NBEA: variants seen among roughly 807,000 people sequenced by gnomAD.
The protein encoded by NBEA is lysosomal-trafficking regulator 2.
Under a neutral mutation model 343.4 loss-of-function variants are expected in NBEA, and 44 were observed. That is an observed-to-expected ratio of 0.13 (90% CI 0.10 to 0.16). The LOEUF (loss-of-function observed/expected upper bound fraction) is 0.16, where lower values mean the gene tolerates loss of function less well. Ranked by LOEUF, NBEA falls within the 10% of genes least tolerant of loss-of-function variation. The probability of loss-of-function intolerance (pLI) is 1.00; values close to 1 mark genes in which losing one functional copy is unlikely to be tolerated. For missense variants in NBEA, 2,555 were observed against 3,631.3 expected (o/e 0.70, Z 7.62); for synonymous variants, 1,175 against 1,238.7 (o/e 0.95, Z 1.08).
intron 18 of NBEA, 60 bp downstream of exon 18, chr13:35,142,437 C>A: frequency 8.3e-7 from 1 of 1,200,798 alleles, no homozygotes. Context: ...CCCTCTTAAT[C>A]TATGCAATTG....
intron 8 of NBEA, among the ~76,000 whole-genome samples, chr13:35,069,172 G>A (rs1194775876): frequency 6.6e-6 from 1 of 152,058 alleles, no homozygotes; most frequent in East Asian, 1.9e-4. Flanking sequence ...CTTAATTTCT[G>A]TAACATTCAG....
intron 40 of NBEA, among the ~76,000 whole-genome samples, chr13:35,464,589 C>A (rs906264673): frequency 6.6e-6 from 1 of 152,108 alleles, no homozygotes; most frequent in African/African-American, 2.4e-5. Flanking sequence ...CCCTGACTTT[C>A]GAATCAGATC....
At chr13:35,458,637 G>T (rs977308779) in intron 40 of NBEA, among the ~76,000 whole-genome samples, 2 of 151,698 alleles carry the variant, frequency 1.3e-5, no homozygotes, top group African/African-American at 4.8e-5. Context: ...TTTGTTTTTT[G>T]GTATAACTTA....
At chr13:35,512,644 C>G (rs1173233948) in intron 41 of NBEA, among the ~76,000 whole-genome samples, 1 of 152,196 alleles carries the variant, frequency 6.6e-6, no homozygotes, top group Non-Finnish European at 1.5e-5. Flanking sequence ...CCTCTCAGTA[C>G]ATTGTGATAT....
chr13:35,580,148 G>T (rs544134513), intron 45 of NBEA, among the ~76,000 whole-genome samples: 2 of 151,594 alleles, frequency 1.3e-5, no homozygotes, highest in Non-Finnish European at 2.9e-5. Context: ...TGCATTTTTT[G>T]CACCATTTTT....
intron 41 of NBEA, among the ~76,000 whole-genome samples, chr13:35,513,856 C>T (rs962034975): frequency 1.3e-5 from 2 of 151,926 alleles, no homozygotes; most frequent in African/African-American, 4.8e-5. Context: ...CTAAAATTCC[C>T]ATTGGGTTTA....
At chr13:35,073,324 T>C (rs1200880881) in intron 10 of NBEA, among the ~76,000 whole-genome samples, 1 of 152,220 alleles carries the variant, frequency 6.6e-6, no homozygotes, top group Non-Finnish European at 1.5e-5. Flanking sequence ...ATAATCAATT[T>C]GAAGTTTTTA....
intron 38 of NBEA, among the ~76,000 whole-genome samples, chr13:35,392,022 G>A (rs12864774): frequency 0.15 from 23,257 of 152,020 alleles, 1,995 homozygotes; most frequent in East Asian, 0.43. Context: ...TAGGGGAGAC[G>A]TAAGAATAAT....
At chr13:35,397,104 C>T (rs1264068388) in intron 38 of NBEA, among the ~76,000 whole-genome samples, 2 of 152,144 alleles carry the variant, frequency 1.3e-5, no homozygotes, top group African/African-American at 4.8e-5. Context: ...TATTACTACC[C>T]CTTCCTTAAA....
chr13:35,133,282 A>C (rs974833787), intron 17 of NBEA, among the ~76,000 whole-genome samples: 1 of 152,120 alleles, frequency 6.6e-6, no homozygotes, highest in Non-Finnish European at 1.5e-5. Flanking sequence ...GTAATCAAGA[A>C]AATGCAAATA....
chr13:35,155,676 T>C, intron 18 of NBEA, 98 bp from the exon 19 acceptor site: 2 of 872,282 alleles, frequency 2.3e-6, no homozygotes, highest in Non-Finnish European at 3.7e-6. Flanking sequence ...TGGTTTGGAC[T>C]GCATTGACAT....
chr13:35,199,192 G>A (rs2072843454), intron 31 of NBEA, among the ~76,000 whole-genome samples: 1 of 151,864 alleles, frequency 6.6e-6, no homozygotes, highest in Non-Finnish European at 1.5e-5. Flanking sequence ...ATACTTCCAG[G>A]GTATTGCTAC....
chr13:35,164,745 G>A (rs76006897), intron 24 of NBEA, among the ~76,000 whole-genome samples: 2,677 of 152,116 alleles, frequency 0.018, 49 homozygotes, highest in African/African-American at 0.041. Context: ...GAAGAGTATT[G>A]CATTCTTCAT....
At chr13:35,527,896 C>A (rs1189211881) in intron 41 of NBEA, among the ~76,000 whole-genome samples, 1 of 152,206 alleles carries the variant, frequency 6.6e-6, no homozygotes, top group African/African-American at 2.4e-5. Context: ...AGCAGCTGTT[C>A]TAGTCAGGCT....
intron 36 of NBEA, among the ~76,000 whole-genome samples, chr13:35,328,607 A>G (rs903357394): frequency 6.6e-6 from 1 of 151,884 alleles, no homozygotes; most frequent in African/African-American, 2.4e-5. Flanking sequence ...TGTCTCATGC[A>G]CCCCCTAAAT....
At chr13:35,550,425 C>A in intron 41 of NBEA, 52 bp from the exon 42 acceptor site, 2 of 1,058,372 alleles carry the variant, frequency 1.9e-6, no homozygotes, top group Admixed American at 2.0e-5. Context: ...CAGAGTAGAT[C>A]TTAAATCCAT....
chr13:35,596,484 A>G (rs1420013460), intron 47 of NBEA, among the ~76,000 whole-genome samples: 1 of 152,184 alleles, frequency 6.6e-6, no homozygotes, highest in East Asian at 1.9e-4. Context: ...GATGCAGTAG[A>G]TGGTTTTATT....
chr13:35,066,787 T>G (rs2063669132), intron 8 of NBEA, among the ~76,000 whole-genome samples: 1 of 152,086 alleles, frequency 6.6e-6, no homozygotes, highest in Non-Finnish European at 1.5e-5. Flanking sequence ...TATCGATAAT[T>G]AGGTTTCCAT....
intron 33 of NBEA, among the ~76,000 whole-genome samples, chr13:35,216,059 G>C (rs2074046496): frequency 6.6e-6 from 1 of 150,974 alleles, no homozygotes; most frequent in African/African-American, 2.4e-5. Context: ...TTCAGATTTT[G>C]TTATTTTGTT....
Sources: allele counts gnomAD v4.1 joint callset (sites outside exome capture counted in the v4.1 genomes callset), GRCh38; gene constraint gnomAD v4.1.1; transcripts MANE v1.5; gene names NCBI Gene and HGNC (gene_info 2026-07-23, HGNC 2026-07-21).